Variants in RANBP17 observed in about 807,000 individuals in gnomAD.
RANBP17 encodes the protein RAN binding protein 17.
Under a neutral mutation model 141.2 loss-of-function variants are expected in RANBP17, and 158 were observed. That is an observed-to-expected ratio of 1.12 (90% confidence interval 0.98 to 1.28). The LOEUF is 1.28. Ranked by LOEUF, RANBP17 falls within the 50% of genes most tolerant of loss-of-function variation. The probability of loss-of-function intolerance (pLI) is 0.00; values close to 1 mark genes in which losing one functional copy is unlikely to be tolerated. For synonymous variants in RANBP17, 430 were observed against 450.0 expected, an observed-to-expected ratio of 0.96 and a Z score of 0.56; for missense variants, 1,438 against 1,290.7, an observed-to-expected ratio of 1.11 and a Z score of -1.75.
chr5:170,881,026 G>T (rs549327085), intron 2 of RANBP17, among the ~76,000 whole-genome samples: 18 of 152,340 alleles, frequency 1.2e-4, no homozygotes, highest in Middle Eastern at 6.8e-3. Context: ...GTAAATGAAT[G>T]AGCATGGCTG....
intron 24 of RANBP17, among the ~76,000 whole-genome samples, chr5:171,248,504 T>G (rs1379055740): frequency 6.6e-6 from 1 of 152,128 alleles, no homozygotes; most frequent in African/African-American, 2.4e-5. Flanking sequence ...ATGAGAGAAC[T>G]TAGGCAGTCC....
At chr5:170,959,660 G>C (rs1426628574) in intron 13 of RANBP17, among the ~76,000 whole-genome samples, 1 of 152,084 alleles carries the variant, frequency 6.6e-6, no homozygotes, top group Non-Finnish European at 1.5e-5. Flanking sequence ...AAACCTTATT[G>C]ATAACATAAA....
At chr5:170,872,215 C>CT (rs1448074018) in intron 1 of RANBP17, among the ~76,000 whole-genome samples, 1 of 152,118 alleles carries the variant, frequency 6.6e-6, no homozygotes, top group Admixed American at 6.6e-5. Context: ...TATACTTCTT[C>CT]TTGAAGAAGT....
At chr5:171,279,237 C>A (rs186413642) in intron 25 of RANBP17, among the ~76,000 whole-genome samples, 108 of 152,328 alleles carry the variant, frequency 7.1e-4, no homozygotes, top group Middle Eastern at 3.4e-3. Context: ...ATACTTCAGG[C>A]ATTGCCTTGC....
intron 14 of RANBP17, among the ~76,000 whole-genome samples, chr5:171,007,376 A>G (rs1269966284): frequency 2.0e-5 from 3 of 151,876 alleles, no homozygotes; most frequent in African/African-American, 4.8e-5. Flanking sequence ...GGGAGGTAAT[A>G]GAAGGGTTAT....
intron 14 of RANBP17, among the ~76,000 whole-genome samples, chr5:171,068,779 C>T (rs1784459121): frequency 6.6e-6 from 1 of 152,060 alleles, no homozygotes. Context: ...TTAGTAGAGA[C>T]AGGATTTCAC....
intron 18 of RANBP17, among the ~76,000 whole-genome samples, chr5:171,194,917 G>A (rs147957509): frequency 1.3e-5 from 2 of 152,210 alleles, no homozygotes; most frequent in African/African-American, 4.8e-5. Context: ...TACTAAAACA[G>A]TTACTCTTAT....
chr5:171,286,637 GCAGA>G (rs1398536353), intron 25 of RANBP17, among the ~76,000 whole-genome samples: 2 of 152,142 alleles, frequency 1.3e-5, no homozygotes, highest in Non-Finnish European at 2.9e-5. Context: ...TAGGCGAATA[GCAGA>G]CAGAGAGAAC....
At chr5:171,086,315 C>A (rs1286860508) in intron 14 of RANBP17, among the ~76,000 whole-genome samples, 13 of 150,192 alleles carry the variant, frequency 8.7e-5, no homozygotes, top group African/African-American at 3.2e-4. Flanking sequence ...GGATGAAGCC[C>A]ACTTGATCAT....
At chr5:170,944,781 ATAAT>A (rs1388087854) in intron 12 of RANBP17, among the ~76,000 whole-genome samples, 3 of 152,226 alleles carry the variant, frequency 2.0e-5, no homozygotes, top group African/African-American at 4.8e-5. Context: ...GAAAATGCTC[ATAAT>A]TAATCACATG....
chr5:171,163,270 A>C lies in RANBP17; in HGVS notation c.1711-6860A>C, dbSNP rs181406634. ...TAATGTGGATCTATTCAGTGTCACT[A>C]AGTTTGTGTATTTAATATACAGCAA... On this transcript the variant is annotated intron_variant, in intron 14 of 27. Coordinates refer to ENST00000523189, the MANE Select transcript of RANBP17 (RefSeq NM_022897.5). 2.5e-3 allele frequency among the ~76,000 whole-genome samples: 374 copies of C among 152,342 alleles called. 1 individual carries two copies. Among genetic ancestry groups the C allele is most frequent in the African/African-American group, 7.6e-3 (318 of 41,580 alleles).
At chr5:171,069,978 T>TATA (rs1784541059) in intron 14 of RANBP17, among the ~76,000 whole-genome samples, 2 of 152,152 alleles carry the variant, frequency 1.3e-5, no homozygotes, top group African/African-American at 4.8e-5. Context: ...TGAAAGGTAA[T>TATA]ATAATATTAT....
chr5:170,878,006 CAT>C (rs745659421), intron 1 of RANBP17, 89 bp from the exon 2 acceptor site: 30 of 854,740 alleles, frequency 3.5e-5, no homozygotes, highest in African/African-American at 1.5e-4. Flanking sequence ...AATGAATACA[CAT>C]GTGATATTTG....
chr5:170,979,992 C>G (rs531307396), intron 14 of RANBP17, among the ~76,000 whole-genome samples: 6 of 152,258 alleles, frequency 3.9e-5, no homozygotes, highest in African/African-American at 1.4e-4. Flanking sequence ...GACCAAAATG[C>G]TGATAATTAT....
At chr5:171,239,582 C>T (rs1764736332) in intron 22 of RANBP17, among the ~76,000 whole-genome samples, 1 of 152,126 alleles carries the variant, frequency 6.6e-6, no homozygotes, top group Admixed American at 6.6e-5. Flanking sequence ...CTGATCAGCC[C>T]TCCTGAAATA....
chr5:171,256,374 T>C (rs1163127002), intron 24 of RANBP17, among the ~76,000 whole-genome samples: 1 of 152,180 alleles, frequency 6.6e-6, no homozygotes, highest in Non-Finnish European at 1.5e-5. Context: ...AGGCGCTATA[T>C]AGATACAAAA....
intron 14 of RANBP17, among the ~76,000 whole-genome samples, chr5:171,154,721 G>A (rs999973103): frequency 6.6e-6 from 1 of 152,054 alleles, no homozygotes; most frequent in Non-Finnish European, 1.5e-5. Flanking sequence ...AGGAAGTTGG[G>A]GAAACCATTT....
chr5:170,934,899 G>T (rs1581182316), intron 12 of RANBP17, among the ~76,000 whole-genome samples: 2 of 152,224 alleles, frequency 1.3e-5, no homozygotes, highest in African/African-American at 2.4e-5. Flanking sequence ...CTGAAGAGTG[G>T]TTTCCAACTT....
chr5:170,897,624 T>C (rs1770250848), intron 5 of RANBP17, among the ~76,000 whole-genome samples: 1 of 148,984 alleles, frequency 6.7e-6, no homozygotes, highest in Non-Finnish European at 1.5e-5. Context: ...TGTGATCTCA[T>C]TGTTCAGCTC....
Sources: allele counts gnomAD v4.1 joint callset (sites outside exome capture counted in the v4.1 genomes callset), GRCh38; gene constraint gnomAD v4.1.1; transcripts MANE v1.5; gene names NCBI Gene and HGNC (gene_info 2026-07-23, HGNC 2026-07-21).